CMTM3: variants seen among roughly 807,000 people sequenced by gnomAD.
The protein encoded by CMTM3 is CKLF-like MARVEL transmembrane domain-containing protein 3.
A neutral mutation model predicts 18.2 loss-of-function variants in CMTM3; 7 were observed. The ratio of observed to expected loss-of-function variants is 0.38; its 90% CI spans 0.22 to 0.72. CMTM3 has a LOEUF of 0.72. Ranked by LOEUF, CMTM3 falls within the 30% of genes least tolerant of loss-of-function variation. CMTM3 has a pLI of 0.46. For missense variants in CMTM3, 227 were observed against 249.2 expected (o/e 0.91, Z 0.60); for synonymous variants, 109 against 111.2 (o/e 0.98, Z 0.12).
rs547740612 is a variant in CMTM3, at chr16:66,612,980, G to A, written c.*343G>A. 159 of 693,168 alleles carry A rather than the reference G, an allele frequency of 2.3e-4. 2 individuals carry two copies. The highest frequency in any genetic ancestry group is 2.3e-3 in the South Asian group (151 of 66,714). The allele number at this position is 693,168 out of a possible 1,614,324, so 42.9% of individuals were successfully genotyped here. A position where few individuals can be genotyped will look rare whatever the true frequency, so the allele number is the denominator to read the frequency against. ...TGTATCTGGGCAGCAGGTGTTCCAT[G>A]CTGCTAGGTGGCGGGGGTCGGGGGT... is the stretch of plus-strand genomic sequence containing the variant. On this transcript the variant is annotated 3_prime_UTR_variant, in exon 5 of 5. Coordinates refer to ENST00000567572, the MANE Select transcript of CMTM3 (RefSeq NM_181553.4). This position sits in a 1 kb window ranked among gnomAD's most constrained non-coding sequence, Gnocchi z 6.0.
Position 66,612,805 on chromosome 16 carries a change from G to C in CMTM3, c.*168G>C, listed in dbSNP as rs2015433204. The C allele has an allele frequency of 3.0e-6, 2 of 672,690 alleles. No individual in the cohort carries two copies. Among genetic ancestry groups the C allele is most frequent in the Non-Finnish European group, 2.6e-6 (1 of 391,060 alleles). 41.7% of individuals were successfully genotyped at this position (672,690 alleles called of 1,614,324 possible). A position where few individuals can be genotyped will look rare whatever the true frequency, so the allele number is the denominator to read the frequency against. On this transcript the variant is annotated 3_prime_UTR_variant, in exon 5 of 5. Coordinates refer to ENST00000567572, the MANE Select transcript of CMTM3 (RefSeq NM_181553.4). The surrounding 1 kb of genome is among the most constrained non-coding windows in gnomAD (Gnocchi z 6.0). ...GTTCTGCCTGAGCCCAGCCTACCAGGCTTGCCCCTCAGCTCAGCACTGTTG... is the reference window on the plus strand; with the variant it reads ...GTTCTGCCTGAGCCCAGCCTACCAGCCTTGCCCCTCAGCTCAGCACTGTTG...
At position 66,609,955 on chromosome 16, in the gene CMTM3, C is replaced by T. The variant is rs747166668; in HGVS notation, c.472C>T (p.Leu158Phe). Residue 158 changes from leucine (L) to phenylalanine (F), a missense_variant, in exon 4 of 5, where the codon CTC becomes TTC. Leu to Phe is a conservative substitution (Grantham distance 22). Transcript: ENST00000567572. This position sits in a 1 kb window ranked among gnomAD's most constrained non-coding sequence, Gnocchi z 4.4. ...YLIFNDVAKF[L>F]KQGDSADETT... ...GATCTTTAACGACGTGGCCAAATTC[C>T]TCAAACAAGGGGACTCTGCAGATGA... 1 of 1,614,200 alleles carries T rather than the reference C, an allele frequency of 6.2e-7. No individual in the cohort carries two copies. Among genetic ancestry groups the T allele is most frequent in the Non-Finnish European group, 8.5e-7 (1 of 1,180,034 alleles).
At chr16:66,606,620 G>C (rs2015163849) in intron 1 of CMTM3, among the ~76,000 whole-genome samples, 1 of 152,168 alleles carries the variant, frequency 6.6e-6, no homozygotes. Context: ...CTCAGCCATA[G>C]ACATGTTCAA....
intron 1 of CMTM3, among the ~76,000 whole-genome samples, chr16:66,607,256 C>T (rs1432883684): frequency 1.3e-5 from 2 of 152,220 alleles, no homozygotes; most frequent in East Asian, 3.9e-4. Context: ...CATCCTCCTG[C>T]ATCAGCTCTT....
chr16:66,609,867 T>A lies in CMTM3; in HGVS notation c.400-16T>A. 6.2e-7 allele frequency: 1 copy of A among 1,614,142 alleles called. No individual in the cohort carries two copies. The highest frequency in any genetic ancestry group is 1.1e-5 in the South Asian group (1 of 91,088). On this transcript the variant is annotated splice_polypyrimidine_tract_variant and intron_variant, in intron 3 of 4. Coordinates refer to ENST00000567572, the MANE Select transcript of CMTM3 (RefSeq NM_181553.4). This position sits in a 1 kb window ranked among gnomAD's most constrained non-coding sequence, Gnocchi z 4.4. ...GGAGTCAGCCCTGTGATGCATCCCA[T>A]CCACCCTGTCCACAGGTGTTTGGCT... is the stretch of plus-strand genomic sequence containing the variant.
rs536143006 is a variant in CMTM3, at chr16:66,605,931, C to T, written c.147+979C>T. ...GCCCAAGTGAGACACCAATGCCACA[C>T]TCCGAGCCCACACTCCCAGCCCCAC... On this transcript the variant is annotated intron_variant, in intron 1 of 4. Coordinates refer to ENST00000567572, the MANE Select transcript of CMTM3 (RefSeq NM_181553.4). This position sits in a 1 kb window ranked among gnomAD's most constrained non-coding sequence, Gnocchi z 4.6. 6.6e-6 allele frequency among the ~76,000 whole-genome samples: 1 copy of T among 152,240 alleles called. No homozygotes were observed. Among genetic ancestry groups the T allele is most frequent in the East Asian group, 1.9e-4 (1 of 5,154 alleles).
rs534368812 is a variant in CMTM3 at position 66,612,323 on chromosome 16, C to T, written c.521-286C>T. ...CGGGAGGGAGGAAGTTGCAGTGAGTCGAGATCCCGCCATTGCACTCCAGCC... is the reference window on the plus strand; with the variant it reads ...CGGGAGGGAGGAAGTTGCAGTGAGTTGAGATCCCGCCATTGCACTCCAGCC... On this transcript the variant is annotated intron_variant, in intron 4 of 4. Transcript: ENST00000567572. The surrounding 1 kb of genome is among the most constrained non-coding windows in gnomAD (Gnocchi z 6.0). 3.2e-4 allele frequency among the ~76,000 whole-genome samples: 48 copies of T among 152,114 alleles called. No individual in the cohort carries two copies. The South Asian group carries it at 9.6e-3, about 30-fold the overall frequency.
At position 66,604,939 on chromosome 16, in the gene CMTM3, T is replaced by C; in HGVS notation, c.134T>C (p.Leu45Pro). 1 of 1,503,000 alleles carries C rather than the reference T, an allele frequency of 6.7e-7. No individual in the cohort carries two copies. The highest frequency in any genetic ancestry group is 1.4e-5 in the African/African-American group (1 of 69,050). The allele number at this position is 1,503,000 out of a possible 1,614,324, so 93.1% of individuals were successfully genotyped here. A position where few individuals can be genotyped will look rare whatever the true frequency, so the allele number is the denominator to read the frequency against. ...AFLCSLKGRL[L>P]LAESGLSFIT... is the part of the protein sequence containing the mutation. ...CTCTGCTCTCTCAAAGGCCGCCTCC[T>C]GCTGGCCGAGTCGGTGAGTGCGGCG... Residue 45 changes from leucine (L) to proline (P), a missense_variant, in exon 1 of 5, where the codon CTG (leucine) becomes CCG (proline). Transcript: ENST00000567572.
rs2015062583 is a variant in CMTM3, at chr16:66,604,781, C to T, written c.-25C>T. On this transcript the variant is annotated 5_prime_UTR_variant, in exon 1 of 5. Coordinates refer to ENST00000567572, the MANE Select transcript of CMTM3 (RefSeq NM_181553.4). ...GCGAGAAGAGGGGAGCCAGGCCGAG[C>T]CCCGGCCCTACCGCCGCCGCCGCCA... The T allele has an allele frequency of 4.8e-6, 6 of 1,241,200 alleles. No homozygotes were observed. The highest frequency in any genetic ancestry group is 4.7e-5 in the African/African-American group (3 of 63,590). 76.9% of individuals were successfully genotyped at this position (1,241,200 alleles called of 1,614,324 possible).
In CMTM3 at chr16:66,609,516, T is replaced by C; in HGVS notation, c.385T>C (p.Ser129Pro). 2 of 1,603,398 alleles carry C rather than the reference T, an allele frequency of 1.2e-6. No individual in the cohort carries two copies. The highest frequency in any genetic ancestry group is 1.7e-6 in the Non-Finnish European group (2 of 1,174,676). The stretch of plus-strand genomic sequence containing the variant: ...CATCGCCAAGTACTCGGATGGGGCT[T>C]CCAAAGCCGCTGGGGTGAGCAGCCG... ...TAIAKYSDGA[S>P]KAAGVFGFFA... Residue 129 changes from serine (S) to proline (P), a missense_variant, in exon 3 of 5, where the codon TCC becomes CCC. Ser to Pro is a moderately conservative substitution (Grantham distance 74, BLOSUM62 -1). Transcript: ENST00000567572. The surrounding 1 kb of genome is among the most constrained non-coding windows in gnomAD (Gnocchi z 4.4).
upstream of CMTM3, chr16:66,604,545 TGAA>T (rs1464717228): frequency 6.8e-6 from 2 of 294,732 alleles, no homozygotes; most frequent in African/African-American, 2.3e-5. Flanking sequence ...CGAACCAGGG[TGAA>T]GAAGAAGGTG....
Position 66,613,172 on chromosome 16 carries a change from T to C in CMTM3, c.*535T>C, listed in dbSNP as rs376544913. On this transcript the variant is annotated 3_prime_UTR_variant, in exon 5 of 5. Coordinates refer to ENST00000567572, the MANE Select transcript of CMTM3 (RefSeq NM_181553.4). Reference sequence around the variant, plus strand: ...AGGAGCACCAGTTCCCTCTTCATTCTTGAAGCAGGGAGAAATTGACCTTTG... The same window carrying C: ...AGGAGCACCAGTTCCCTCTTCATTCCTGAAGCAGGGAGAAATTGACCTTTG... 24 of 701,960 alleles carry C rather than the reference T, an allele frequency of 3.4e-5. No homozygotes were observed. Among genetic ancestry groups the C allele is most frequent in the East Asian group, 1.3e-4 (5 of 37,280 alleles). 43.5% of individuals were successfully genotyped at this position (701,960 alleles called of 1,614,324 possible).
Position 66,610,096 on chromosome 16 carries a change from T to C in CMTM3, c.520+93T>C. 6.7e-7 allele frequency: 1 copy of C among 1,494,060 alleles called. No individual in the cohort carries two copies. The highest frequency in any genetic ancestry group is 9.2e-7 in the Non-Finnish European group (1 of 1,087,478). The allele number at this position is 1,494,060 out of a possible 1,614,324, so 92.6% of individuals were successfully genotyped here. The stretch of plus-strand genomic sequence containing the variant: ...CTAGTTTGAGGCTGGGGTGGGATCA[T>C]TTCCTCTCTCCCCATGGCAGGAAGT... On this transcript the variant is annotated intron_variant, in intron 4 of 4. Coordinates refer to ENST00000567572, the MANE Select transcript of CMTM3 (RefSeq NM_181553.4). The surrounding 1 kb of genome is among the most constrained non-coding windows in gnomAD (Gnocchi z 4.6).
At position 66,605,048 on chromosome 16, in the gene CMTM3, C is replaced by T. The variant is rs2015084423; in HGVS notation, c.147+96C>T. ...GCGGGTGGGGTCCGGGGGCGGCCGC[C>T]GTGCTCCGATACCCCCTCTCCGCGC... On this transcript the variant is annotated intron_variant, in intron 1 of 4. Transcript: ENST00000567572. This position sits in a 1 kb window ranked among gnomAD's most constrained non-coding sequence, Gnocchi z 4.6. 1 of 1,165,534 alleles carries T rather than the reference C, an allele frequency of 8.6e-7. No individual in the cohort carries two copies. Among genetic ancestry groups the T allele is most frequent in the Non-Finnish European group, 1.1e-6 (1 of 898,198 alleles). The allele number at this position is 1,165,534 out of a possible 1,614,324, so 72.2% of individuals were successfully genotyped here.
rs1004433748 is a variant in CMTM3, at chr16:66,604,812, C to A, written c.7C>A (p.Pro3Thr). MW[P>T]PDPDPDPDPE... The stretch of plus-strand genomic sequence containing the variant: ...CCCTACCGCCGCCGCCGCCATGTGG[C>A]CCCCAGACCCCGACCCCGACCCGGA... The change falls in exon 1 of 5, where the codon CCC becomes ACC. Residue 3 changes from proline to threonine, a missense_variant. Physicochemically the swap from Pro to Thr is conservative, Grantham distance 38. Transcript: ENST00000567572. 1 of 1,256,860 alleles carries A rather than the reference C, an allele frequency of 8.0e-7. No homozygotes were observed. Among genetic ancestry groups the A allele is most frequent in the Non-Finnish European group, 9.9e-7 (1 of 1,005,310 alleles). 77.9% of individuals were successfully genotyped at this position (1,256,860 alleles called of 1,614,324 possible).
intron 1 of CMTM3, among the ~76,000 whole-genome samples, chr16:66,607,993 A>G (rs190483463): frequency 7.2e-5 from 11 of 152,232 alleles, no homozygotes; most frequent in Admixed American, 3.3e-4. Flanking sequence ...TTTCAGGCAC[A>G]CACCACCATG....
At position 66,605,781 on chromosome 16, in the gene CMTM3, C is replaced by T. The variant is rs936226518; in HGVS notation, c.147+829C>T. 6.6e-5 allele frequency among the ~76,000 whole-genome samples: 10 copies of T among 152,300 alleles called. No homozygotes were observed. The highest frequency in any genetic ancestry group is 2.4e-4 in the African/African-American group (10 of 41,572). On this transcript the variant is annotated intron_variant, in intron 1 of 4. Transcript: ENST00000567572. This position sits in a 1 kb window ranked among gnomAD's most constrained non-coding sequence, Gnocchi z 4.6. ...AACTGAGGGGCCCAGTGAGAGCGGC[C>T]AGGAGGGTGGGGGCAGGAGGAAGGG...
In CMTM3 at chr16:66,609,509, T is replaced by C. The variant is rs746598469; in HGVS notation, c.378T>C (p.Asp126=). 1.2e-5 allele frequency: 20 copies of C among 1,606,598 alleles called. No individual in the cohort carries two copies. Among genetic ancestry groups the C allele is most frequent in the Non-Finnish European group, 1.6e-5 (19 of 1,176,506 alleles). The change falls in exon 3 of 5, where the codon GAT becomes GAC. Residue 126 remains aspartate (D), a synonymous_variant. Coordinates refer to ENST00000567572, the MANE Select transcript of CMTM3 (RefSeq NM_181553.4). The surrounding 1 kb of genome is among the most constrained non-coding windows in gnomAD (Gnocchi z 4.4). ...TCACGGCCATCGCCAAGTACTCGGA[T>C]GGGGCTTCCAAAGCCGCTGGGGTGA... ...ISITAIAKYS[D]GASKAAGVFG...
Position 66,612,479 on chromosome 16 carries a change from C to T in CMTM3, c.521-130C>T, listed in dbSNP as rs1036162212. 1.0e-5 allele frequency: 9 copies of T among 881,616 alleles called. No individual in the cohort carries two copies. Among genetic ancestry groups the T allele is most frequent in the East Asian group, 7.7e-5 (3 of 38,782 alleles). The allele number at this position is 881,616 out of a possible 1,614,324, so 54.6% of individuals were successfully genotyped here. A position where few individuals can be genotyped will look rare whatever the true frequency, so the allele number is the denominator to read the frequency against. ...CCCTGATGCCAGCGATCACTGGGAACGGTAGAGTCAGCTGCAGGAGGCCTG... is the reference window on the plus strand; with the variant it reads ...CCCTGATGCCAGCGATCACTGGGAATGGTAGAGTCAGCTGCAGGAGGCCTG... On this transcript the variant is annotated intron_variant, in intron 4 of 4. Transcript: ENST00000567572. The surrounding 1 kb of genome is among the most constrained non-coding windows in gnomAD (Gnocchi z 6.0).
Sources: gnomAD v4.1 joint callset for allele counts (sites outside exome capture counted in the v4.1 genomes callset) on GRCh38, gnomAD v4.1.1 for gene constraint, Gnocchi (gnomAD v3.1) non-coding constraint, MANE v1.5 for transcripts, NCBI Gene and HGNC (gene_info 2026-07-23, HGNC 2026-07-21) for gene names.